The following CASP8 variants were observed in gnomAD, a reference collection of about 807,000 sequenced individuals.
CASP8 encodes the protein caspase 8, also known as caspase-8.
Under a neutral mutation model 46.3 loss-of-function variants are expected in CASP8, and 24 were observed. The ratio of observed to expected loss-of-function variants is 0.52; its 90% CI spans 0.38 to 0.73. The LOEUF (loss-of-function observed/expected upper bound fraction) is 0.73. CASP8 is among the 30% of genes least tolerant of loss of function. CASP8 has a pLI of 0.00. For synonymous variants in CASP8, 188 were observed against 200.4 expected (o/e 0.94, Z 0.52); for missense variants, 460 against 559.0 (o/e 0.82, Z 1.79).
chr2:201,277,933 T>G (rs1414832855), intron 7 of CASP8: 1 of 205,790 alleles, frequency 4.9e-6, no homozygotes, highest in Middle Eastern at 1.9e-3. Flanking sequence ...ACTCCTGACC[T>G]CAAGTGATCC....
At position 201,285,029 on chromosome 2, in the gene CASP8, A is replaced by G. The variant is rs777112657; in HGVS notation, c.1016A>G (p.Gln339Arg). 3 of 1,614,196 alleles carry G rather than the reference A, an allele frequency of 1.9e-6. No individual in the cohort carries two copies. In the South Asian group the frequency reaches 3.3e-5, roughly 18 times the overall value. ...GCCCCCATCTATGAGCTGACATCTC[A>G]GTTCACTGGTTTGAAGTGCCCTTCC... ...QEAPIYELTS[Q>R]FTGLKCPSLA... The change falls in exon 8 of 9, where the codon CAG becomes CGG. Residue 339 changes from glutamine (Q) to arginine (R), a missense_variant. Transcript: ENST00000673742.
intron 7 of CASP8, among the ~76,000 whole-genome samples, chr2:201,281,001 A>G (rs1025161489): frequency 5.3e-5 from 8 of 152,230 alleles, no homozygotes; most frequent in Non-Finnish European, 1.2e-4. Context: ...CATTATGTTT[A>G]CATAGTCTTA....
intron 7 of CASP8, among the ~76,000 whole-genome samples, chr2:201,280,970 A>AACATTATTATTCTTATTAT (rs1948961163): frequency 6.6e-6 from 1 of 152,332 alleles, no homozygotes; most frequent in South Asian, 2.1e-4. Context: ...GGTTAATAAG[A>AACATTATTATTCTTATTAT]AAGGAAACAT....
chr2:201,242,121 G>T (rs1280179090), intron 2 of CASP8: 1 of 152,082 alleles, frequency 6.6e-6, no homozygotes, highest in African/African-American at 2.4e-5. Context: ...TTTCATATAT[G>T]GGATTCATAA....
At chr2:201,262,816 GC>G (rs1947519862) in intron 1 of CASP8, among the ~76,000 whole-genome samples, 1 of 152,124 alleles carries the variant, frequency 6.6e-6, no homozygotes, top group Admixed American at 6.6e-5. Flanking sequence ...GTGCTGGATG[GC>G]CCGTTGTTAA....
intron 1 of CASP8, chr2:201,262,139 G>A (rs548759705): frequency 1.3e-5 from 2 of 152,090 alleles, no homozygotes; most frequent in East Asian, 1.9e-4. Context: ...GTAGAATGAC[G>A]TCTAAATCTT....
rs771095440 is a variant in CASP8, at chr2:201,276,973, A to G, written c.802+5A>G. The G allele has an allele frequency of 1.2e-6, 2 of 1,605,082 alleles. No individual in the cohort carries two copies. The highest frequency in any genetic ancestry group is 1.7e-5 in the Admixed American group (1 of 59,980). Reference sequence around the variant, plus strand: ...ATGGAACACACTTGGATGCAGGTACAGTAGAACCCAAAAGAGAAAAGTAAA... The same window carrying G: ...ATGGAACACACTTGGATGCAGGTACGGTAGAACCCAAAAGAGAAAAGTAAA... On this transcript the variant is annotated splice_donor_5th_base_variant and intron_variant, in intron 7 of 8. Transcript: ENST00000673742.
At chr2:201,257,557 A>G (rs1220224525), upstream of CASP8, among the ~76,000 whole-genome samples, 1 of 151,988 alleles carries the variant, frequency 6.6e-6, no homozygotes, top group Non-Finnish European at 1.5e-5. Context: ...CAGTAGCACC[A>G]ACACTCCAGG....
intron 2 of CASP8, among the ~76,000 whole-genome samples, chr2:201,238,450 T>C (rs550914976): frequency 3.9e-5 from 6 of 152,236 alleles, no homozygotes; most frequent in African/African-American, 9.6e-5. Context: ...TTCTTTCTTT[T>C]TTTTTTCTTG....
intron 2 of CASP8, among the ~76,000 whole-genome samples, chr2:201,238,383 G>A (rs1331412205): frequency 1.3e-5 from 2 of 152,116 alleles, no homozygotes; most frequent in Admixed American, 1.3e-4. Flanking sequence ...CCACCTCAGC[G>A]TAGGAAACAA....
chr2:201,281,043 G>T (rs1948965176), intron 7 of CASP8, among the ~76,000 whole-genome samples: 1 of 152,190 alleles, frequency 6.6e-6, no homozygotes, highest in Non-Finnish European at 1.5e-5. Context: ...GCCGGAGGTG[G>T]TGGCTCATGC....
chr2:201,272,733 G>A lies in CASP8; in HGVS notation c.507G>A (p.Lys169=). 6.2e-7 allele frequency: 1 copy of A among 1,614,126 alleles called. No homozygotes were observed. Among genetic ancestry groups the A allele is most frequent in the Non-Finnish European group, 8.5e-7 (1 of 1,180,018 alleles). ...AAAGAGTCTGTGCCCAAATCAACAA[G>A]AGCCTGCTGAAGATAATCAACGACT... The part of the protein sequence containing the change: ...ILKRVCAQIN[K]SLLKIINDYE... Residue 169 remains lysine (K), a synonymous_variant, in exon 4 of 9, where the codon AAG becomes AAA. Transcript: ENST00000673742. This position sits in a 1 kb window ranked among gnomAD's most constrained non-coding sequence, Gnocchi z 4.4.
At chr2:201,246,749 G>A (rs1302380568) in intron 2 of CASP8, among the ~76,000 whole-genome samples, 1 of 152,156 alleles carries the variant, frequency 6.6e-6, no homozygotes, top group Non-Finnish European at 1.5e-5. Flanking sequence ...ACTTTGCTAA[G>A]AGTCTGTTCT....
Position 201,274,926 on chromosome 2 carries a change from T to G in CASP8, c.633T>G (p.Ser211=). 1 of 1,613,412 alleles carries G rather than the reference T, an allele frequency of 6.2e-7. No individual in the cohort carries two copies. The highest frequency in any genetic ancestry group is 1.7e-5 in the Admixed American group (1 of 59,988). Residue 211 remains serine, a synonymous_variant, in exon 6 of 9, where the codon TCT becomes TCG. Transcript: ENST00000673742. ...ELCGVMTISD[S]PREQDSESQT... ...GTGGGGTAATGACAATCTCGGACTC[T>G]CCAAGAGAACAGGATAGTGAATCAC...
chr2:201,233,505 C>T (rs1178870303), exon 1 of CASP8: 1 of 152,234 alleles, frequency 6.6e-6, no homozygotes, highest in Non-Finnish European at 1.5e-5. Flanking sequence ...GCTGGTTGTT[C>T]AGACTGAGCT....
intron 2 of CASP8, chr2:201,242,979 CA>C: frequency 6.4e-6 from 1 of 155,800 alleles, no homozygotes; most frequent in Non-Finnish European, 1.4e-5. Flanking sequence ...AGCCAGTCAC[CA>C]AAAGACAAAT....
At chr2:201,252,315 C>T (rs936557182) in intron 2 of CASP8, among the ~76,000 whole-genome samples, 17 of 151,932 alleles carry the variant, frequency 1.1e-4, no homozygotes, top group Non-Finnish European at 2.4e-4. Context: ...CTCGCTCTGT[C>T]ACCAGGCTGT....
upstream of CASP8, among the ~76,000 whole-genome samples, chr2:201,258,637 C>G (rs1052060861): frequency 6.6e-6 from 1 of 152,194 alleles, no homozygotes; most frequent in South Asian, 2.1e-4. Context: ...GCTTCCCTGC[C>G]GCCTCGAATG....
At chr2:201,265,258 C>G (rs1207884702) in intron 1 of CASP8, among the ~76,000 whole-genome samples, 1 of 151,826 alleles carries the variant, frequency 6.6e-6, no homozygotes, top group Non-Finnish European at 1.5e-5. Context: ...TCCCTGTAAT[C>G]CCAACTACTA....
Sources: gnomAD v4.1 joint callset for allele counts (sites outside exome capture counted in the v4.1 genomes callset) on GRCh38, gnomAD v4.1.1 for gene constraint, Gnocchi (gnomAD v3.1) non-coding constraint, MANE v1.5 for transcripts, NCBI Gene and HGNC (gene_info 2026-07-23, HGNC 2026-07-21) for gene names.